Variants in ADAMTS20 observed in about 807,000 individuals in gnomAD.
ADAMTS20 encodes ADAM metallopeptidase with thrombospondin type 1 motif 20.
ADAMTS20 carries 225 observed loss-of-function variants against 260.1 expected under a neutral mutation model. That is an observed-to-expected ratio of 0.87 (90% CI 0.78 to 0.97). The LOEUF (loss-of-function observed/expected upper bound fraction) is 0.97. ADAMTS20 is among the 50% of genes least tolerant of loss of function. ADAMTS20 has a pLI of 0.00. For missense variants in ADAMTS20, 2,400 were observed against 2,337.7 expected, an observed-to-expected ratio of 1.03 and a Z score of -0.55; for synonymous variants, 802 against 769.5, an observed-to-expected ratio of 1.04 and a Z score of -0.70.
In ADAMTS20 at chr12:43,378,855, C is replaced by T. The variant is rs536475855; in HGVS notation, c.4798-1293G>A. ...AGTGACAAAATGGGCAAAATTTGCC[C>T]GATCAGTTTTTTCAGAACTCTAGAA... On this transcript the variant is annotated intron_variant, in intron 31 of 38. Transcript: ENST00000389420. Among the ~76,000 whole-genome samples the T allele has an allele frequency of 3.2e-4, 48 of 152,256 alleles. No individual in the cohort carries two copies. In the East Asian group the frequency reaches 3.7e-3, roughly 12 times the overall value.
intron 38 of ADAMTS20, among the ~76,000 whole-genome samples, chr12:43,355,880 T>G (rs1173137331): frequency 1.3e-5 from 2 of 152,006 alleles, no homozygotes; most frequent in South Asian, 2.1e-4. Context: ...AAAATAGTTA[T>G]AACTATATAT....
chr12:43,434,295 C>A lies in ADAMTS20; in HGVS notation c.2670G>T (p.Leu890Phe). The A allele has an allele frequency of 1.3e-6, 2 of 1,591,912 alleles. No individual in the cohort carries two copies. The highest frequency in any genetic ancestry group is 2.3e-5 in the East Asian group (1 of 44,342). ...SVVSDKECDH[L>F]PLPSFVTQSC... ...TTTGAGTAACAAATGATGGAAGTGG[C>A]AAGTGGTCACATTCTTTATCAGACA... is the stretch of plus-strand genomic sequence containing the variant. Residue 890 changes from leucine to phenylalanine, a missense_variant, in exon 19 of 39, where the codon TTG (leucine) becomes TTT (phenylalanine). Physicochemically the swap from Leu to Phe is conservative, Grantham distance 22 (BLOSUM62 0). Transcript: ENST00000389420.
At chr12:43,520,788 A>C (rs1943060582) in intron 3 of ADAMTS20, among the ~76,000 whole-genome samples, 1 of 152,226 alleles carries the variant, frequency 6.6e-6, no homozygotes, top group South Asian at 2.1e-4. Context: ...CTGTCCCTAC[A>C]TTAATTAATG....
At chr12:43,392,013 C>T (rs1313435839) in intron 29 of ADAMTS20, among the ~76,000 whole-genome samples, 1 of 152,128 alleles carries the variant, frequency 6.6e-6, no homozygotes, top group Non-Finnish European at 1.5e-5. Context: ...ATCTTATGCA[C>T]ATCTACATAA....
intron 7 of ADAMTS20, among the ~76,000 whole-genome samples, chr12:43,478,565 T>G (rs1942394724): frequency 6.6e-6 from 1 of 152,040 alleles, no homozygotes; most frequent in African/African-American, 2.4e-5. Context: ...AAAAGAAACA[T>G]ACCTATATTA....
intron 3 of ADAMTS20, among the ~76,000 whole-genome samples, chr12:43,528,329 C>T (rs1042795788): frequency 1.4e-5 from 1 of 69,898 alleles, no homozygotes; most frequent in African/African-American, 5.4e-5. Context: ...AGGAGACCAA[C>T]AGCCAAGGCA....
chr12:43,515,355 GTTA>G (rs1427928534), intron 3 of ADAMTS20, among the ~76,000 whole-genome samples: 1 of 151,990 alleles, frequency 6.6e-6, no homozygotes, highest in Non-Finnish European at 1.5e-5. Context: ...TTTTCCTTTT[GTTA>G]TTAACTCTGT....
chr12:43,548,479 C>T (rs79232430), intron 2 of ADAMTS20, among the ~76,000 whole-genome samples: 2,247 of 152,154 alleles, frequency 0.015, 51 homozygotes, highest in African/African-American at 0.05. Context: ...TGATCTGAGA[C>T]TAAAAAGGGG....
intron 37 of ADAMTS20, among the ~76,000 whole-genome samples, chr12:43,362,503 T>C (rs1216656906): frequency 6.6e-6 from 1 of 152,136 alleles, no homozygotes. Flanking sequence ...TCTGCAAAGT[T>C]GCCTGCCTTT....
At position 43,356,487 on chromosome 12, in the gene ADAMTS20, T is replaced by G. The variant is rs1391118056; in HGVS notation, c.5640A>C (p.Ser1880=). ...TTTTTGGTCCCGCAGGACTTACCTC[T>G]GATCTTCGTATGCTGACAGAGGTAT... ...GSYTSVSIRR[S]EDGTRFFGKC... is the part of the protein sequence containing the mutation. Residue 1880 remains serine, a synonymous_variant, in exon 38 of 39, where the codon TCA becomes TCC. Transcript: ENST00000389420. 6.9e-6 allele frequency: 11 copies of G among 1,601,108 alleles called. No homozygotes were observed. Among genetic ancestry groups the G allele is most frequent in the African/African-American group, 1.3e-5 (1 of 74,892 alleles).
intron 7 of ADAMTS20, among the ~76,000 whole-genome samples, chr12:43,474,132 C>A (rs555673567): frequency 1.3e-5 from 2 of 150,664 alleles, no homozygotes; most frequent in Non-Finnish European, 3.0e-5. Flanking sequence ...ATCAAATAGA[C>A]ACAATAAAAA....
In ADAMTS20 at chr12:43,421,016, C is replaced by T. The variant is rs1472048124; in HGVS notation, c.4284+4498G>A. Reference sequence around the variant, plus strand: ...AGAGACGGGGGTTTCACCATGTTGGCCAGGCTGGTCTCGAACTCCTGGCCT... The same window carrying T: ...AGAGACGGGGGTTTCACCATGTTGGTCAGGCTGGTCTCGAACTCCTGGCCT... On this transcript the variant is annotated intron_variant, in intron 28 of 38. Coordinates refer to ENST00000389420, the MANE Select transcript of ADAMTS20 (RefSeq NM_025003.5). Among the ~76,000 whole-genome samples the T allele has an allele frequency of 7.9e-5, 12 of 151,280 alleles. No individual in the cohort carries two copies. In the East Asian group the frequency reaches 1.8e-3, roughly 22 times the overall value.
chr12:43,395,329 C>T (rs972506338), intron 29 of ADAMTS20, among the ~76,000 whole-genome samples: 1 of 151,904 alleles, frequency 6.6e-6, no homozygotes, highest in African/African-American at 2.4e-5. Context: ...TACTATTTTT[C>T]AAATTATAAA....
At chr12:43,540,104 G>A (rs1021547811) in intron 2 of ADAMTS20, among the ~76,000 whole-genome samples, 13 of 151,920 alleles carry the variant, frequency 8.6e-5, no homozygotes, top group African/African-American at 2.9e-4. Context: ...GGCTAGTCTC[G>A]ATCTCCTGAT....
intron 19 of ADAMTS20, 114 bp downstream of exon 19, chr12:43,434,131 A>C: frequency 8.7e-7 from 1 of 1,148,510 alleles, no homozygotes; most frequent in South Asian, 1.7e-5. Context: ...TTTTCATGGC[A>C]TGGCAGATGA....
intron 29 of ADAMTS20, among the ~76,000 whole-genome samples, chr12:43,390,697 T>C (rs1940579198): frequency 6.6e-6 from 1 of 152,202 alleles, no homozygotes; most frequent in African/African-American, 2.4e-5. Context: ...TAACAATTTC[T>C]ATCTGAGACT....
At chr12:43,548,631 A>G (rs1592120194) in intron 2 of ADAMTS20, among the ~76,000 whole-genome samples, 1 of 152,158 alleles carries the variant, frequency 6.6e-6, no homozygotes, top group Non-Finnish European at 1.5e-5. Context: ...TATCCGTTTT[A>G]GTGCTAATAT....
chr12:43,457,818 G>A (rs374224016), intron 11 of ADAMTS20, among the ~76,000 whole-genome samples: 4 of 152,112 alleles, frequency 2.6e-5, no homozygotes, highest in Non-Finnish European at 5.9e-5. Flanking sequence ...TCTTGTCCCC[G>A]ACAGTTTAGC....
chr12:43,413,555 A>G (rs1187270955), intron 28 of ADAMTS20, among the ~76,000 whole-genome samples: 1 of 152,200 alleles, frequency 6.6e-6, no homozygotes, highest in Non-Finnish European at 1.5e-5. Context: ...CTTACTATTA[A>G]TAAGTATCAC....
Sources: gnomAD v4.1 joint callset for allele counts (sites outside exome capture counted in the v4.1 genomes callset) on GRCh38, gnomAD v4.1.1 for gene constraint, MANE v1.5 for transcripts, NCBI Gene and HGNC (gene_info 2026-07-23, HGNC 2026-07-21) for gene names.